The following SMIM14 variants were observed in gnomAD, a reference collection of about 807,000 sequenced individuals.
The protein encoded by SMIM14 is small integral membrane protein 14.
Under a neutral mutation model 12.6 loss-of-function variants are expected in SMIM14, and 5 were observed. The observed-to-expected ratio is 0.40, with a 90% CI of 0.21 to 0.83. SMIM14 has a LOEUF of 0.83. SMIM14 is among the 40% of genes least tolerant of loss of function. The probability of loss-of-function intolerance (pLI) is 0.37; values close to 1 mark genes in which losing one functional copy is unlikely to be tolerated. For synonymous variants in SMIM14, 30 were observed against 40.1 expected, an observed-to-expected ratio of 0.75 and a Z score of 0.95; for missense variants, 86 against 119.1, an observed-to-expected ratio of 0.72 and a Z score of 1.29.
chr4:39,618,623 C>G (rs1715308893), intron 1 of SMIM14, among the ~76,000 whole-genome samples: 1 of 131,280 alleles, frequency 7.6e-6, no homozygotes. Context: ...GCACTCCAGC[C>G]TGGGCGACAG....
chr4:39,561,049 A>T lies in SMIM14; in HGVS notation c.125-4479T>A, dbSNP rs553437557. ...GAGTGATTTTTTTTTCTTTTTTTTT[A>T]AAAGCAAATACATGTTGAGTTTCCC... On this transcript the variant is annotated intron_variant, in intron 3 of 4. Coordinates refer to ENST00000295958, the MANE Select transcript of SMIM14 (RefSeq NM_174921.3). Among the ~76,000 whole-genome samples, 13 of 151,360 alleles carry T rather than the reference A, an allele frequency of 8.6e-5. No homozygotes were observed. In the South Asian group the frequency reaches 2.1e-3, roughly 24 times the overall value.
rs1222934139 is a variant in SMIM14, at chr4:39,550,511, AC to A, written c.*1614del. ...TGGTCAGGCTGGTCTCGAACTCCTG[AC>A]CTCAGGTGATTCGCCTGCCTCGGCC... On this transcript the variant is annotated 3_prime_UTR_variant, in exon 5 of 5. Transcript: ENST00000295958. 6.6e-6 allele frequency: 1 copy of A among 152,230 alleles called. No homozygotes were observed. Among genetic ancestry groups the A allele is most frequent in the Non-Finnish European group, 1.5e-5 (1 of 68,082 alleles). 9.4% of individuals were successfully genotyped at this position (152,230 alleles called of 1,614,324 possible). A position where few individuals can be genotyped will look rare whatever the true frequency, so the allele number is the denominator to read the frequency against.
chr4:39,630,237 A>C (rs1030008232), intron 1 of SMIM14, among the ~76,000 whole-genome samples: 1 of 151,994 alleles, frequency 6.6e-6, no homozygotes, highest in Non-Finnish European at 1.5e-5. Flanking sequence ...CTCTACAAAA[A>C]ACTTTAATAA....
chr4:39,555,735 G>GA (rs1317232661), intron 4 of SMIM14, among the ~76,000 whole-genome samples: 1 of 152,152 alleles, frequency 6.6e-6, no homozygotes, highest in Non-Finnish European at 1.5e-5. Context: ...AATAGGATGG[G>GA]AAAATGAGGA....
Position 39,548,583 on chromosome 4 carries a change from T to C in SMIM14, c.*3543A>G, listed in dbSNP as rs960609183. ...AGCTTTATCTTTCTTTTTTCCTAGA[T>C]TATTTAAAGAGGATTGTAGCCACAC... On this transcript the variant is annotated 3_prime_UTR_variant, in exon 5 of 5. Coordinates refer to ENST00000295958, the MANE Select transcript of SMIM14 (RefSeq NM_174921.3). 2 of 152,200 alleles carry C rather than the reference T, an allele frequency of 1.3e-5. No homozygotes were observed. Among genetic ancestry groups the C allele is most frequent in the Non-Finnish European group, 2.9e-5 (2 of 68,042 alleles). 9.4% of individuals were successfully genotyped at this position (152,200 alleles called of 1,614,324 possible).
intron 1 of SMIM14, among the ~76,000 whole-genome samples, chr4:39,613,686 T>C (rs1209715962): frequency 2.0e-5 from 3 of 152,232 alleles, no homozygotes; most frequent in Non-Finnish European, 4.4e-5. Context: ...AGGTCTTTGA[T>C]AGAAAGTAAT....
chr4:39,634,162 C>T (rs554387720), intron 1 of SMIM14, among the ~76,000 whole-genome samples: 81 of 152,274 alleles, frequency 5.3e-4, no homozygotes, highest in African/African-American at 1.6e-3. Context: ...CTCTCGACCT[C>T]GTGATCCACC....
chr4:39,571,640 C>T (rs1712896408), intron 3 of SMIM14, among the ~76,000 whole-genome samples: 1 of 151,988 alleles, frequency 6.6e-6, no homozygotes, highest in Non-Finnish European at 1.5e-5. Context: ...CCAACAGATG[C>T]AAATAGATGT....
chr4:39,588,511 A>G (rs1261768301), intron 2 of SMIM14, among the ~76,000 whole-genome samples: 1 of 152,238 alleles, frequency 6.6e-6, no homozygotes, highest in Non-Finnish European at 1.5e-5. Flanking sequence ...TGATTTAAAA[A>G]AAGGATTAAG....
chr4:39,638,862 G>A lies in SMIM14; in HGVS notation c.-159C>T, dbSNP rs1167206911. ...GGACGCTGCTGCCACTGCCGTTTCT[G>A]GCCGCCGGCTTCCTCCCCCTCCTCT... On this transcript the variant is annotated 5_prime_UTR_variant, in exon 1 of 5. Transcript: ENST00000295958. 1 of 985,774 alleles carries A rather than the reference G, an allele frequency of 1.0e-6. No individual in the cohort carries two copies. Among genetic ancestry groups the A allele is most frequent in the Non-Finnish European group, 1.2e-6 (1 of 830,214 alleles). 61.1% of individuals were successfully genotyped at this position (985,774 alleles called of 1,614,324 possible). A position where few individuals can be genotyped will look rare whatever the true frequency, so the allele number is the denominator to read the frequency against.
intron 1 of SMIM14, among the ~76,000 whole-genome samples, chr4:39,613,015 T>C (rs928965744): frequency 1.3e-5 from 2 of 152,234 alleles, no homozygotes; most frequent in Non-Finnish European, 2.9e-5. Context: ...AAAGGGAGAC[T>C]TGTTTTTATC....
chr4:39,613,817 C>T (rs1369058517), intron 1 of SMIM14, among the ~76,000 whole-genome samples: 1 of 152,158 alleles, frequency 6.6e-6, no homozygotes, highest in Admixed American at 6.6e-5. Context: ...TGAGGACAAG[C>T]AGCTTCAAGA....
intron 1 of SMIM14, among the ~76,000 whole-genome samples, chr4:39,635,530 T>G (rs1716055876): frequency 6.6e-6 from 1 of 152,136 alleles, no homozygotes; most frequent in Non-Finnish European, 1.5e-5. Flanking sequence ...GAAGATAGCC[T>G]GGCAAAGCTG....
At chr4:39,598,216 T>C (rs567961706) in intron 2 of SMIM14, among the ~76,000 whole-genome samples, 2 of 152,356 alleles carry the variant, frequency 1.3e-5, no homozygotes, top group South Asian at 4.1e-4. Flanking sequence ...AGCTACTCAA[T>C]AGACCTATTC....
intron 1 of SMIM14, among the ~76,000 whole-genome samples, chr4:39,611,110 G>A (rs1238882502): frequency 6.6e-6 from 1 of 152,172 alleles, no homozygotes; most frequent in East Asian, 1.9e-4. Flanking sequence ...TAGAAGAAAA[G>A]TGAGCGAAGA....
chr4:39,557,387 A>AT (rs1712074607), intron 3 of SMIM14, among the ~76,000 whole-genome samples: 1 of 152,052 alleles, frequency 6.6e-6, no homozygotes, highest in African/African-American at 2.4e-5. Context: ...TCTCTAACAC[A>AT]TTTTTTAATA....
chr4:39,630,177 T>C (rs1429837925), intron 1 of SMIM14, among the ~76,000 whole-genome samples: 1 of 152,022 alleles, frequency 6.6e-6, no homozygotes, highest in African/African-American at 2.4e-5. Flanking sequence ...GGCAGAAGAA[T>C]TGCTTGAGCC....
At chr4:39,579,292 C>T (rs1430640338) in intron 2 of SMIM14, among the ~76,000 whole-genome samples, 1 of 151,240 alleles carries the variant, frequency 6.6e-6, no homozygotes, top group Non-Finnish European at 1.5e-5. Context: ...CACCTGTAAT[C>T]CCAGCTACTC....
chr4:39,632,319 A>G (rs2109258647), intron 1 of SMIM14, among the ~76,000 whole-genome samples: 1 of 151,830 alleles, frequency 6.6e-6, no homozygotes, highest in South Asian at 2.1e-4. Flanking sequence ...GTCTCTACTA[A>G]AAATACAAAA....
Sources: allele counts gnomAD v4.1 joint callset (sites outside exome capture counted in the v4.1 genomes callset), GRCh38; gene constraint gnomAD v4.1.1; transcripts MANE v1.5; gene names NCBI Gene and HGNC (gene_info 2026-07-23, HGNC 2026-07-21).